The following SMCO3 variants were observed in gnomAD, a reference collection of about 807,000 sequenced individuals.
SMCO3 encodes the protein single-pass membrane protein with coiled-coil domains 3.
Under a neutral mutation model 12.0 loss-of-function variants are expected in SMCO3, and 6 were observed. The ratio of observed to expected loss-of-function variants is 0.50; its 90% CI spans 0.27 to 0.99. The LOEUF (loss-of-function observed/expected upper bound fraction) is 0.99, where lower values mean the gene tolerates loss of function less well. SMCO3 is among the 50% of genes least tolerant of loss of function. SMCO3 has a pLI of 0.11. For missense variants in SMCO3, 279 were observed against 265.0 expected, an observed-to-expected ratio of 1.05 and a Z score of -0.37; for synonymous variants, 96 against 96.4, an observed-to-expected ratio of 1.00 and a Z score of 0.02.
chr12:14,810,002 G>A (rs761583531), intron 1 of SMCO3, among the ~76,000 whole-genome samples: 51 of 152,288 alleles, frequency 3.3e-4, no homozygotes, highest in Non-Finnish European at 4.9e-4. Context: ...TCTTGCACTT[G>A]CGCTTAGACT....
chr12:14,806,056 A>G lies in SMCO3; in HGVS notation c.625T>C (p.Tyr209His). Residue 209 changes from tyrosine to histidine, a missense_variant, in exon 2 of 2, where the codon TAT becomes CAT. By Grantham distance (83) the Tyr-to-His change is moderately conservative. Transcript: ENST00000316048. ...LVEFKSASEK[Y>H]NHAITEVINT... ...ATGACCTCAGTAATGGCATGATTATATTTTTCTGAGGCTGATTTGAACTCC... is the reference window on the plus strand; with the variant it reads ...ATGACCTCAGTAATGGCATGATTATGTTTTTCTGAGGCTGATTTGAACTCC... 2 of 1,614,152 alleles carry G rather than the reference A, an allele frequency of 1.2e-6. No homozygotes were observed. The highest frequency in any genetic ancestry group is 1.7e-6 in the Non-Finnish European group (2 of 1,180,028).
intron 1 of SMCO3, among the ~76,000 whole-genome samples, chr12:14,813,725 C>T (rs1950176284): frequency 6.6e-6 from 1 of 152,116 alleles, no homozygotes; most frequent in South Asian, 2.1e-4. Flanking sequence ...TTAGATTCCA[C>T]ATTCATTCTT....
chr12:14,809,079 A>G (rs542655710), intron 1 of SMCO3, among the ~76,000 whole-genome samples: 4 of 152,310 alleles, frequency 2.6e-5, no homozygotes, highest in Non-Finnish European at 4.4e-5. Context: ...AAAATTAGCT[A>G]TATTCCTTTT....
rs1038103200 is a variant in SMCO3 at position 14,805,905 on chromosome 12, A to G, written c.*98T>C. 4.1e-6 allele frequency: 5 copies of G among 1,208,848 alleles called. No homozygotes were observed. In the African/African-American group the frequency reaches 6.1e-5, roughly 15 times the overall value. 74.9% of individuals were successfully genotyped at this position (1,208,848 alleles called of 1,614,324 possible). A position where few individuals can be genotyped will look rare whatever the true frequency, so the allele number is the denominator to read the frequency against. ...CAAATTGTTTATCTTATTTAAGTCC[A>G]TATTGGAAGCCTATAGAAAATGAAC... On this transcript the variant is annotated 3_prime_UTR_variant, in exon 2 of 2. Transcript: ENST00000316048.
At position 14,805,317 on chromosome 12, in the gene SMCO3, T is replaced by C. The variant is rs749503032; in HGVS notation, c.*686A>G. 2 of 152,230 alleles carry C rather than the reference T, an allele frequency of 1.3e-5. No individual in the cohort carries two copies. Among genetic ancestry groups the C allele is most frequent in the African/African-American group, 2.4e-5 (1 of 41,454 alleles). The allele number at this position is 152,230 out of a possible 1,614,324, so 9.4% of individuals were successfully genotyped here. The stretch of plus-strand genomic sequence containing the variant: ...CATTCACTTGAGCGATATTTAATTA[T>C]CACAGTTGGTCAGGGTTGATTGCAG... On this transcript the variant is annotated 3_prime_UTR_variant, in exon 2 of 2. Transcript: ENST00000316048.
rs1437646997 is a variant in SMCO3, at chr12:14,805,251, G to C, written c.*752C>G. 6.6e-6 allele frequency: 1 copy of C among 152,208 alleles called. No homozygotes were observed. Among genetic ancestry groups the C allele is most frequent in the Admixed American group, 6.5e-5 (1 of 15,284 alleles). The allele number at this position is 152,208 out of a possible 1,614,324, so 9.4% of individuals were successfully genotyped here. On this transcript the variant is annotated 3_prime_UTR_variant, in exon 2 of 2. Coordinates refer to ENST00000316048, the MANE Select transcript of SMCO3 (RefSeq NM_001013698.2). The stretch of plus-strand genomic sequence containing the variant: ...CATCCTAAATGCAATATGTGTAGCT[G>C]TGTTTTGCTTTCTTGTCTTCTAAAT...
rs771154364 is a variant in SMCO3 at position 14,806,346 on chromosome 12, A to G, written c.335T>C (p.Ile112Thr). Residue 112 changes from isoleucine (I) to threonine (T), a missense_variant, in exon 2 of 2, where the codon ATA (isoleucine) becomes ACA (threonine). Coordinates refer to ENST00000316048, the MANE Select transcript of SMCO3 (RefSeq NM_001013698.2). ...IKEKETDKIAIVQKVISVILG... is the reference protein window; with the variant it reads ...IKEKETDKIATVQKVISVILG... ...GATGACCGAAATAACCTTTTGCACTATTGCAATTTTGTCTGTTTCCTTTTC... is the reference window on the plus strand; with the variant it reads ...GATGACCGAAATAACCTTTTGCACTGTTGCAATTTTGTCTGTTTCCTTTTC... 9.9e-6 allele frequency: 16 copies of G among 1,613,558 alleles called. No individual in the cohort carries two copies. The highest frequency in any genetic ancestry group is 6.6e-5 in the South Asian group (6 of 91,074).
At chr12:14,811,912 G>C (rs577186821) in intron 1 of SMCO3, among the ~76,000 whole-genome samples, 195 of 152,234 alleles carry the variant, frequency 1.3e-3, no homozygotes, top group African/African-American at 4.4e-3. Context: ...GTACATTATG[G>C]AGAAATTAAA....
intron 1 of SMCO3, among the ~76,000 whole-genome samples, chr12:14,809,220 A>G (rs1383765523): frequency 6.6e-6 from 1 of 152,230 alleles, no homozygotes; most frequent in East Asian, 1.9e-4. Context: ...CAAGATAAAC[A>G]AATGGAGAAA....
intron 1 of SMCO3, among the ~76,000 whole-genome samples, chr12:14,809,715 TAAA>T (rs137943124): frequency 1.3e-5 from 2 of 148,836 alleles, no homozygotes; most frequent in South Asian, 2.1e-4. Context: ...CTAAAACCAA[TAAA>T]AAAAAAGCAC....
chr12:14,806,359 C>T lies in SMCO3; in HGVS notation c.322G>A (p.Asp108Asn). 5.0e-6 allele frequency: 8 copies of T among 1,614,216 alleles called. No homozygotes were observed. Among genetic ancestry groups the T allele is most frequent in the Non-Finnish European group, 5.9e-6 (7 of 1,180,040 alleles). ...KLQDIKEKET[D>N]KIAIVQKVIS... ...ACCTTTTGCACTATTGCAATTTTGT[C>T]TGTTTCCTTTTCCTTAATATCCTGA... Residue 108 changes from aspartate (D) to asparagine (N), a missense_variant, in exon 2 of 2, where the codon GAC becomes AAC. Asp to Asn is a conservative substitution (Grantham distance 23). Coordinates refer to ENST00000316048, the MANE Select transcript of SMCO3 (RefSeq NM_001013698.2).
chr12:14,807,330 A>G (rs1269092916), intron 1 of SMCO3, among the ~76,000 whole-genome samples: 1 of 152,178 alleles, frequency 6.6e-6, no homozygotes, highest in East Asian at 1.9e-4. Context: ...CTTTTATTTG[A>G]AACAGACCCC....
chr12:14,808,804 A>G (rs979037229), intron 1 of SMCO3, among the ~76,000 whole-genome samples: 2 of 152,220 alleles, frequency 1.3e-5, no homozygotes, highest in Admixed American at 1.3e-4. Flanking sequence ...ACAGGCATGC[A>G]CACATGTAAC....
chr12:14,806,939 C>T (rs1259549840), intron 1 of SMCO3, among the ~76,000 whole-genome samples: 2 of 152,206 alleles, frequency 1.3e-5, no homozygotes. Flanking sequence ...TCTAGCAATT[C>T]TCCTGCCTCA....
At chr12:14,807,023 G>A (rs1421501846) in intron 1 of SMCO3, among the ~76,000 whole-genome samples, 1 of 152,092 alleles carries the variant, frequency 6.6e-6, no homozygotes, top group Non-Finnish European at 1.5e-5. Context: ...GTAGAGACAG[G>A]GTTTCATCAT....
In SMCO3 at chr12:14,805,703, C is replaced by G; in HGVS notation, c.*300G>C. 3.5e-6 allele frequency: 1 copy of G among 282,644 alleles called. No homozygotes were observed. The highest frequency in any genetic ancestry group is 6.8e-5 in the East Asian group (1 of 14,650). 17.5% of individuals were successfully genotyped at this position (282,644 alleles called of 1,614,324 possible). ...GAAATTAGAAAAGAGAAAAGTAACC[C>G]CTATACTTGCTACTCTACGATAGCA... is the stretch of plus-strand genomic sequence containing the variant. On this transcript the variant is annotated 3_prime_UTR_variant, in exon 2 of 2. Transcript: ENST00000316048.
intron 1 of SMCO3, among the ~76,000 whole-genome samples, chr12:14,807,464 A>G (rs889640635): frequency 3.3e-5 from 5 of 152,210 alleles, no homozygotes; most frequent in African/African-American, 1.2e-4. Flanking sequence ...AGTCAGGGCC[A>G]GATAAATATT....
intron 1 of SMCO3, among the ~76,000 whole-genome samples, chr12:14,812,923 G>A (rs1251095603): frequency 1.3e-5 from 2 of 152,116 alleles, no homozygotes; most frequent in East Asian, 3.9e-4. Flanking sequence ...GTTGATTTGG[G>A]AAGAGTAAGG....
Position 14,805,702 on chromosome 12 carries a change from C to T in SMCO3, c.*301G>A, listed in dbSNP as rs1565677862. ...TGAAATTAGAAAAGAGAAAAGTAACCCCTATACTTGCTACTCTACGATAGC... is the reference window on the plus strand; with the variant it reads ...TGAAATTAGAAAAGAGAAAAGTAACTCCTATACTTGCTACTCTACGATAGC... On this transcript the variant is annotated 3_prime_UTR_variant, in exon 2 of 2. Transcript: ENST00000316048. 1.4e-5 allele frequency: 4 copies of T among 279,920 alleles called. No individual in the cohort carries two copies. Among genetic ancestry groups the T allele is most frequent in the Non-Finnish European group, 2.6e-5 (4 of 151,040 alleles). 17.3% of individuals were successfully genotyped at this position (279,920 alleles called of 1,614,324 possible).
Sources: gnomAD v4.1 joint callset for allele counts (sites outside exome capture counted in the v4.1 genomes callset) on GRCh38, gnomAD v4.1.1 for gene constraint, MANE v1.5 for transcripts, NCBI Gene and HGNC (gene_info 2026-07-23, HGNC 2026-07-21) for gene names.